The following DRC10 variants were observed in gnomAD, a reference collection of about 807,000 sequenced individuals.
DRC10 encodes the protein dynein regulatory complex subunit 10.
chr12:113,207,634 G>C, the DRC10 span: 1 of 1,613,988 alleles, frequency 6.2e-7, no homozygotes, highest in Admixed American at 1.7e-5. Context: ...CTGGGCTTCT[G>C]CACTTCTACC....
At chr12:113,212,727 G>A in the DRC10 span, among the ~76,000 whole-genome samples, 2 of 152,164 alleles carry the variant, frequency 1.3e-5, no homozygotes, top group Non-Finnish European at 2.9e-5. Context: ...TAGGATTGAG[G>A]GGAAATGCAT....
the DRC10 span, among the ~76,000 whole-genome samples, chr12:113,215,098 A>C: frequency 6.6e-6 from 1 of 152,202 alleles, no homozygotes; most frequent in East Asian, 1.9e-4. Flanking sequence ...ACAGATTTCT[A>C]TGTTGCTGGT....
At chr12:113,215,881 G>A in the DRC10 span, among the ~76,000 whole-genome samples, 1 of 152,230 alleles carries the variant, frequency 6.6e-6, no homozygotes, top group Non-Finnish European at 1.5e-5. Flanking sequence ...AAATGCTGGT[G>A]AGGATGTGAA....
the DRC10 span, chr12:113,207,441 T>G: frequency 6.2e-7 from 1 of 1,608,308 alleles, no homozygotes; most frequent in Middle Eastern, 1.7e-4. Context: ...ACAATACCTC[T>G]GCATTCCTGT....
chr12:113,217,106 A>G, the DRC10 span, among the ~76,000 whole-genome samples: 1 of 152,034 alleles, frequency 6.6e-6, no homozygotes, highest in East Asian at 1.9e-4. Context: ...CAAAACAAAA[A>G]ACAGCCTATC....
the DRC10 span, chr12:113,195,857 C>A: frequency 6.2e-7 from 1 of 1,612,688 alleles, no homozygotes; most frequent in African/African-American, 1.3e-5. Context: ...TCTTCTCCTC[C>A]CTGTGAACAG....
the DRC10 span, among the ~76,000 whole-genome samples, chr12:113,211,911 A>C: frequency 6.6e-6 from 1 of 151,870 alleles, no homozygotes; most frequent in African/African-American, 2.4e-5. Context: ...AAGTTAAAAA[A>C]AAAATTAGCC....
the DRC10 span, among the ~76,000 whole-genome samples, chr12:113,196,192 C>T: frequency 6.6e-6 from 1 of 152,150 alleles, no homozygotes; most frequent in Admixed American, 6.5e-5. Flanking sequence ...CCTTTCGGGC[C>T]TTCGTTTTTC....
the DRC10 span, chr12:113,207,552 C>T: frequency 2.3e-4 from 376 of 1,614,088 alleles, 1 homozygote; most frequent in Middle Eastern, 1.8e-3. Context: ...CCTTATCCCT[C>T]GCTTCCATGG....
At chr12:113,197,092 T>A in the DRC10 span, among the ~76,000 whole-genome samples, 5 of 151,684 alleles carry the variant, frequency 3.3e-5, no homozygotes, top group Non-Finnish European at 7.4e-5. Flanking sequence ...GTAGGGGTGC[T>A]GGCAGGAGCC....
At chr12:113,197,736 T>C in the DRC10 span, 1 of 665,516 alleles carries the variant, frequency 1.5e-6, no homozygotes, top group Non-Finnish European at 2.7e-6. Flanking sequence ...ACAAGGAGGT[T>C]CCCTTTTCTC....
At chr12:113,207,146 T>C in the DRC10 span, 1 of 420,394 alleles carries the variant, frequency 2.4e-6, no homozygotes, top group East Asian at 5.5e-5. Context: ...TCAGGAGTTC[T>C]AGACCAGCCT....
At chr12:113,195,832 G>A in the DRC10 span, 1 of 1,613,686 alleles carries the variant, frequency 6.2e-7, no homozygotes, top group Non-Finnish European at 8.5e-7. Flanking sequence ...CTCCGCCTGA[G>A]CTCCTCCAGC....
At chr12:113,218,666 A>G in the DRC10 span, among the ~76,000 whole-genome samples, 2 of 149,628 alleles carry the variant, frequency 1.3e-5, no homozygotes, top group African/African-American at 4.9e-5. Context: ...CCTAGGCTCA[A>G]ACTCCTAGGC....
At chr12:113,202,163 AG>A in the DRC10 span, among the ~76,000 whole-genome samples, 1 of 152,190 alleles carries the variant, frequency 6.6e-6, no homozygotes, top group Non-Finnish European at 1.5e-5. Context: ...CCACTCAACA[AG>A]TATACATCAT....
the DRC10 span, among the ~76,000 whole-genome samples, chr12:113,211,270 A>C: frequency 6.6e-6 from 1 of 152,102 alleles, no homozygotes; most frequent in East Asian, 1.9e-4. Flanking sequence ...TTATTTTTGT[A>C]GATATAGGGT....
chr12:113,206,541 C>T, the DRC10 span, among the ~76,000 whole-genome samples: 1 of 152,204 alleles, frequency 6.6e-6, no homozygotes, highest in South Asian at 2.1e-4. Flanking sequence ...TAAATGACCC[C>T]GTCTCTTTTG....
the DRC10 span, among the ~76,000 whole-genome samples, chr12:113,210,763 G>A: frequency 6.7e-6 from 1 of 149,342 alleles, no homozygotes; most frequent in African/African-American, 2.5e-5. Context: ...TCCAGGTTAA[G>A]TATCACCATC....
chr12:113,210,611 A>G, the DRC10 span, among the ~76,000 whole-genome samples: 1 of 141,670 alleles, frequency 7.1e-6, no homozygotes, highest in Non-Finnish European at 1.6e-5. Context: ...AAAGAAAAAA[A>G]GAAAAAAAAA....
Sources: allele counts gnomAD v4.1 joint callset (sites outside exome capture counted in the v4.1 genomes callset), GRCh38; gene constraint gnomAD v4.1.1; transcripts MANE v1.5; gene names NCBI Gene and HGNC (gene_info 2026-07-23, HGNC 2026-07-21).